Variants in TEX11 observed in about 807,000 individuals in gnomAD.
The protein encoded by TEX11 is testis-expressed protein 11.
TEX11 carries 7 observed loss-of-function variants against 84.4 expected under a neutral mutation model. The observed-to-expected ratio is 0.08, with a 90% CI of 0.05 to 0.16. The LOEUF (loss-of-function observed/expected upper bound fraction) is 0.16. Among genes scored for constraint, TEX11 ranks in the 10% least tolerant of loss-of-function variants. TEX11 has a pLI of 1.00. For synonymous variants in TEX11, 264 were observed against 222.8 expected (o/e 1.18, Z -1.64); for missense variants, 551 against 660.5 (o/e 0.83, Z 1.82).
intron 5 of TEX11, 141 bp from the exon 6 acceptor site, chrX:70,853,469 TTG>T (rs2091519789): frequency 4.4e-6 from 2 of 455,556 alleles, no homozygotes; most frequent in Non-Finnish European, 3.7e-6. Context: ...CAGTTAGCAT[TTG>T]TTAGAGTTCT....
intron 23 of TEX11, among the ~76,000 whole-genome samples, chrX:70,606,216 G>T (rs2089194035): frequency 9.0e-6 from 1 of 111,498 alleles, no homozygotes; most frequent in African/African-American, 3.3e-5. Flanking sequence ...ATCTCTTTAG[G>T]TCTCTGATTA....
At chrX:70,874,409 T>C (rs1342765148) in intron 3 of TEX11, among the ~76,000 whole-genome samples, 2 of 95,651 alleles carry the variant, frequency 2.1e-5, no homozygotes, top group Non-Finnish European at 2.1e-5. Context: ...TTTTTTTTTT[T>C]TTTTTTTTTG....
chrX:70,850,658 GGGAGGA>G (rs1225878765), intron 7 of TEX11, among the ~76,000 whole-genome samples: 1 of 110,908 alleles, frequency 9.0e-6, no homozygotes, highest in East Asian at 2.8e-4. Context: ...GGGAGGTTGA[GGGAGGA>G]GGATCCCTTG....
At chrX:70,689,952 A>G (rs961698410) in intron 13 of TEX11, among the ~76,000 whole-genome samples, 15 of 111,851 alleles carry the variant, frequency 1.3e-4, no homozygotes, top group Non-Finnish European at 5.6e-5. Context: ...TAACGATGTA[A>G]TGAAAATGGT....
intron 25 of TEX11, among the ~76,000 whole-genome samples, chrX:70,590,449 A>G (rs1479374238): frequency 9.0e-6 from 1 of 111,671 alleles, no homozygotes; most frequent in African/African-American, 3.2e-5. Context: ...TTATTCCAGG[A>G]ATGAAATGAT....
chrX:70,843,467 T>C (rs1391835764), intron 7 of TEX11, among the ~76,000 whole-genome samples: 1 of 111,704 alleles, frequency 9.0e-6, no homozygotes, highest in Non-Finnish European at 1.9e-5. Context: ...TCAAGATGGA[T>C]TAAAGACTTA....
At chrX:70,735,260 C>T (rs767122437) in intron 11 of TEX11, among the ~76,000 whole-genome samples, 2 of 110,980 alleles carry the variant, frequency 1.8e-5, no homozygotes, top group Admixed American at 9.7e-5. Flanking sequence ...CCATGTTGGC[C>T]GGGTTGGTCT....
chrX:70,893,454 C>G (rs1438822428), intron 2 of TEX11, among the ~76,000 whole-genome samples: 6 of 111,843 alleles, frequency 5.4e-5, no homozygotes, highest in Non-Finnish European at 1.1e-4. Flanking sequence ...AATTGAACAA[C>G]CTGCTCCTGA....
At chrX:70,617,137 T>C (rs1434942620) in intron 20 of TEX11, among the ~76,000 whole-genome samples, 1 of 109,978 alleles carries the variant, frequency 9.1e-6, no homozygotes, top group East Asian at 2.8e-4. Context: ...AATATATACA[T>C]CTACTATGTA....
chrX:70,512,360 G>C, the TEX11 span, among the ~76,000 whole-genome samples: 46 of 107,461 alleles, frequency 4.3e-4, 2 homozygotes, highest in East Asian at 0.013. Flanking sequence ...CTGGGATTGT[G>C]GGTGCACACC....
At chrX:70,681,186 G>A (rs1426684034) in intron 14 of TEX11, among the ~76,000 whole-genome samples, 1 of 112,528 alleles carries the variant, frequency 8.9e-6, no homozygotes, top group Non-Finnish European at 1.9e-5. Context: ...TAGAACATTA[G>A]GAATCTCTGA....
At chrX:70,569,204 C>A (rs1039516505) in intron 25 of TEX11, among the ~76,000 whole-genome samples, 2 of 112,090 alleles carry the variant, frequency 1.8e-5, no homozygotes, top group African/African-American at 6.5e-5. Context: ...GCATCGGCTC[C>A]TGAGGCTTCT....
At chrX:70,592,636 G>C (rs1407819974) in intron 24 of TEX11, among the ~76,000 whole-genome samples, 7 of 111,205 alleles carry the variant, frequency 6.3e-5, no homozygotes, top group Non-Finnish European at 1.3e-4. Flanking sequence ...TCCATGCTGG[G>C]AGCAGCAAGC....
At chrX:70,862,942 G>A (rs764842799) in intron 4 of TEX11, among the ~76,000 whole-genome samples, 1 of 108,501 alleles carries the variant, frequency 9.2e-6, no homozygotes, top group South Asian at 4.0e-4. Flanking sequence ...AAGAGGGGAA[G>A]TTCGGACTGG....
chrX:70,733,778 A>G (rs2076896082), intron 11 of TEX11, among the ~76,000 whole-genome samples: 1 of 111,737 alleles, frequency 8.9e-6, no homozygotes, highest in Non-Finnish European at 1.9e-5. Flanking sequence ...TAGAAATACC[A>G]TTTGACCCAG....
intron 11 of TEX11, among the ~76,000 whole-genome samples, chrX:70,732,816 G>A (rs2090664787): frequency 9.0e-6 from 1 of 111,572 alleles, no homozygotes; most frequent in Non-Finnish European, 1.9e-5. Context: ...AAGTTCCTAT[G>A]GAACCAAAAT....
chrX:70,895,731 A>G, intron 2 of TEX11, among the ~76,000 whole-genome samples: 1 of 111,974 alleles, frequency 8.9e-6, no homozygotes. Flanking sequence ...ATCTACAACC[A>G]TCTGATCTTC....
At chrX:70,577,943 G>A (rs1300834730) in intron 25 of TEX11, among the ~76,000 whole-genome samples, 1 of 110,806 alleles carries the variant, frequency 9.0e-6, no homozygotes, top group Non-Finnish European at 1.9e-5. Context: ...GGCCAAGCTG[G>A]TCTCGAACTC....
chrX:70,551,831 C>T (rs1003966236), intron 28 of TEX11, among the ~76,000 whole-genome samples: 1 of 111,788 alleles, frequency 8.9e-6, no homozygotes, highest in African/African-American at 3.2e-5. Flanking sequence ...AGGTTCATAT[C>T]ATCACAGAGA....
Sources: allele counts gnomAD v4.1 joint callset (sites outside exome capture counted in the v4.1 genomes callset), GRCh38; gene constraint gnomAD v4.1.1; transcripts MANE v1.5; gene names NCBI Gene and HGNC (gene_info 2026-07-23, HGNC 2026-07-21).